Variants in FAM228B observed in about 807,000 individuals in gnomAD.
FAM228B encodes protein FAM228B.
FAM228B carries 38 observed loss-of-function variants against 42.6 expected under a neutral mutation model. The ratio of observed to expected loss-of-function variants is 0.89; its 90% CI spans 0.69 to 1.17. The LOEUF (loss-of-function observed/expected upper bound fraction) is 1.17, where lower values mean the gene tolerates loss of function less well. FAM228B is among the 50% of genes most tolerant of loss of function. The pLI, the probability that FAM228B is intolerant of heterozygous loss-of-function variation, is 0.00. For missense variants in FAM228B, 344 were observed against 367.3 expected, an observed-to-expected ratio of 0.94 and a Z score of 0.52; for synonymous variants, 109 against 122.3, an observed-to-expected ratio of 0.89 and a Z score of 0.72.
At chr2:24,124,029 T>C (rs1666228820) in intron 1 of FAM228B, 1 of 197,384 alleles carries the variant, frequency 5.1e-6, no homozygotes, top group Admixed American at 5.8e-5. Flanking sequence ...GTGTTGCAAA[T>C]GGGACTCCGA....
intron 3 of FAM228B, among the ~76,000 whole-genome samples, chr2:24,106,301 C>A (rs1665696318): frequency 6.7e-6 from 1 of 149,986 alleles, no homozygotes; most frequent in South Asian, 2.1e-4. Context: ...AGACTGGTGG[C>A]CTATATTCAG....
rs191004011 is a variant in FAM228B at position 24,102,554 on chromosome 2, A to G, written c.-121+7325A>G. 4.9e-3 allele frequency among the ~76,000 whole-genome samples: 739 copies of G among 152,286 alleles called. 6 individuals carry two copies. The highest frequency in any genetic ancestry group is 0.017 in the African/African-American group (704 of 41,536). ...GGAATTTAAGACCAGTCTGGCTAACATGGCAAAACCCTGTCTCTATTAGAA... is the reference window on the plus strand; with the variant it reads ...GGAATTTAAGACCAGTCTGGCTAACGTGGCAAAACCCTGTCTCTATTAGAA... On this transcript the variant is annotated intron_variant, in intron 3 of 10. Transcript: ENST00000613899.
chr2:24,141,909 C>T (rs146330873), intron 5 of FAM228B, among the ~76,000 whole-genome samples: 13 of 152,234 alleles, frequency 8.5e-5, no homozygotes, highest in Admixed American at 8.5e-4. Context: ...TGGTCCCAGG[C>T]CCAGGTTGTA....
chr2:24,137,892 C>T lies in FAM228B; in HGVS notation c.169-17C>T, dbSNP rs1666628221. 2 of 1,489,688 alleles carry T rather than the reference C, an allele frequency of 1.3e-6. No homozygotes were observed. Among genetic ancestry groups the T allele is most frequent in the East Asian group, 5.0e-5 (2 of 40,142 alleles). The allele number at this position is 1,489,688 out of a possible 1,614,324, so 92.3% of individuals were successfully genotyped here. The stretch of plus-strand genomic sequence containing the variant: ...CTTTAGGATAATATATTTGTCTTTT[C>T]TACCACTGTTTACTAGGAACTAGAT... On this transcript the variant is annotated splice_polypyrimidine_tract_variant and intron_variant, in intron 3 of 10. Transcript: ENST00000615575.
At chr2:24,094,543 G>C (rs1665458843) in intron 2 of FAM228B, among the ~76,000 whole-genome samples, 1 of 152,048 alleles carries the variant, frequency 6.6e-6, no homozygotes, top group African/African-American at 2.4e-5. Flanking sequence ...GGAGTAAAAT[G>C]TTGTGATCAT....
At position 24,080,123 on chromosome 2, in the gene FAM228B, G is replaced by A. The variant is rs1415062022; in HGVS notation, c.-289-753G>A. ...TGTAATCCCAGTACTTTGGGAGGCT[G>A]AGGCAGGTGGATCACCTGAGGTCAG... is the stretch of plus-strand genomic sequence containing the variant. On this transcript the variant is annotated intron_variant, in intron 1 of 10. Coordinates refer to the FAM228B transcript ENST00000613899. The surrounding 1 kb of genome is among the most constrained non-coding windows in gnomAD (Gnocchi z 4.7). 6.6e-6 allele frequency among the ~76,000 whole-genome samples: 1 copy of A among 152,162 alleles called. No individual in the cohort carries two copies. Among genetic ancestry groups the A allele is most frequent in the Non-Finnish European group, 1.5e-5 (1 of 68,024 alleles).
intron 5 of FAM228B, among the ~76,000 whole-genome samples, chr2:24,145,124 G>A (rs10176347): frequency 0.27 from 40,674 of 152,082 alleles, 6,193 homozygotes; most frequent in Non-Finnish European, 0.35. Context: ...CCACCTGGCC[G>A]ACCGCAGCCA....
intron 7 of FAM228B, among the ~76,000 whole-genome samples, 166 bp from the exon 8 acceptor site, chr2:24,161,340 C>T (rs1188685677): frequency 5.9e-5 from 9 of 151,952 alleles, no homozygotes; most frequent in African/African-American, 1.7e-4. Context: ...CTAGCTGCTT[C>T]GGAGGGTGGC....
At chr2:24,122,279 T>G (rs1666141950), upstream of FAM228B, 4 of 660,898 alleles carry the variant, frequency 6.1e-6, no homozygotes, top group East Asian at 1.1e-4. Context: ...TGAGCTGAGA[T>G]CATGCCATTG....
chr2:24,083,235 C>CT, intron 2 of FAM228B: 1 of 1,455,622 alleles, frequency 6.9e-7, no homozygotes, highest in Non-Finnish European at 9.1e-7. Flanking sequence ...CCAAGATCCC[C>CT]TCTTTTTTTT....
Position 24,147,097 on chromosome 2 carries a change from A to G in FAM228B, c.686+11A>G. ...TTGTAGAAGGAGAAGGTAATGGTTA[A>G]TATACTAGAAATTATAGAACCTTTT... On this transcript the variant is annotated intron_variant, in intron 7 of 10. Transcript: ENST00000615575. The G allele has an allele frequency of 2.6e-6, 4 of 1,526,756 alleles. No homozygotes were observed. The highest frequency in any genetic ancestry group is 3.5e-6 in the Non-Finnish European group (4 of 1,131,006). 94.6% of individuals were successfully genotyped at this position (1,526,756 alleles called of 1,614,324 possible).
rs780303383 is a variant in FAM228B at position 24,169,137 on chromosome 2, A to G, written c.*15-219A>G. Among the ~76,000 whole-genome samples, 2 of 152,184 alleles carry G rather than the reference A, an allele frequency of 1.3e-5. No individual in the cohort carries two copies. Among genetic ancestry groups the G allele is most frequent in the South Asian group, 2.1e-4 (1 of 4,834 alleles). ...AGTGATCCACCCCATCTATTTGACC[A>G]TGTCCCTGAATCTCTCAGTGCTTCT... is the stretch of plus-strand genomic sequence containing the variant. On this transcript the variant is annotated intron_variant, in intron 10 of 10. Transcript: ENST00000615575. The surrounding 1 kb of genome is among the most constrained non-coding windows in gnomAD (Gnocchi z 4.2).
At chr2:24,143,148 TCCTA>T (rs994156024) in intron 5 of FAM228B, among the ~76,000 whole-genome samples, 95 of 152,244 alleles carry the variant, frequency 6.2e-4, no homozygotes, top group African/African-American at 2.3e-3. Context: ...GTTAAAATAC[TCCTA>T]CCTTTTTCTT....
chr2:24,132,680 C>T (rs1365980266), intron 2 of FAM228B, among the ~76,000 whole-genome samples: 2 of 151,834 alleles, frequency 1.3e-5, no homozygotes, highest in Middle Eastern at 3.4e-3. Flanking sequence ...AAGTGTGGAT[C>T]ACATTTTTCT....
At chr2:24,158,215 C>CTTTTTTTTTTTTTTTTTTT (rs1335914110) in intron 7 of FAM228B, among the ~76,000 whole-genome samples, 13 of 9,176 alleles carry the variant, frequency 1.4e-3, no homozygotes, top group South Asian at 4.3e-3. Flanking sequence ...TTTTTTTTTC[C>CTTTTTTTTTTTTTTTTTTT]AAAACATTGT....
chr2:24,141,597 C>T (rs1666748280), intron 5 of FAM228B, among the ~76,000 whole-genome samples: 1 of 152,006 alleles, frequency 6.6e-6, no homozygotes, highest in Non-Finnish European at 1.5e-5. Flanking sequence ...TCAGGCTGGT[C>T]TTGAACTCCT....
At chr2:24,144,810 C>CCCT (rs1343343649) in intron 5 of FAM228B, among the ~76,000 whole-genome samples, 3 of 152,134 alleles carry the variant, frequency 2.0e-5, no homozygotes. Context: ...AGCAACCCCA[C>CCCT]CCTCCACAGC....
chr2:24,152,186 T>G (rs539006734), intron 7 of FAM228B, among the ~76,000 whole-genome samples: 2 of 152,344 alleles, frequency 1.3e-5, no homozygotes, highest in Admixed American at 6.5e-5. Flanking sequence ...TGTAATTATT[T>G]CAATTTCTTT....
At chr2:24,123,015 A>G (rs572946137), upstream of FAM228B, 1 of 152,884 alleles carries the variant, frequency 6.5e-6, no homozygotes, top group African/African-American at 2.4e-5. Context: ...AGCGCCAGCT[A>G]TGAACGCTGA....
Sources: allele counts gnomAD v4.1 joint callset (sites outside exome capture counted in the v4.1 genomes callset), GRCh38; gene constraint gnomAD v4.1.1; non-coding constraint Gnocchi (gnomAD v3.1); transcripts MANE v1.5; gene names NCBI Gene and HGNC (gene_info 2026-07-23, HGNC 2026-07-21).